Variants in CRACR2A observed in about 807,000 individuals in gnomAD.
CRACR2A encodes the protein EF-hand calcium-binding domain-containing protein 4B.
A neutral mutation model predicts 90.5 loss-of-function variants in CRACR2A; 79 were observed. The observed-to-expected ratio is 0.87, with a 90% CI of 0.73 to 1.05. The LOEUF (loss-of-function observed/expected upper bound fraction) is 1.05. CRACR2A is among the 50% of genes least tolerant of loss of function. The probability of loss-of-function intolerance (pLI) is 0.00; values close to 1 mark genes in which losing one functional copy is unlikely to be tolerated. For synonymous variants in CRACR2A, 338 were observed against 356.7 expected, an observed-to-expected ratio of 0.95 and a Z score of 0.59; for missense variants, 823 against 897.2, an observed-to-expected ratio of 0.92 and a Z score of 1.06.
At chr12:3,660,624 T>C (rs1945011965) in intron 7 of CRACR2A, among the ~76,000 whole-genome samples, 1 of 152,088 alleles carries the variant, frequency 6.6e-6, no homozygotes, top group Admixed American at 6.5e-5. Context: ...AAAGATCTGG[T>C]AGTAGCATTG....
intron 3 of CRACR2A, among the ~76,000 whole-genome samples, chr12:3,702,867 C>A (rs1401654282): frequency 6.6e-6 from 1 of 152,142 alleles, no homozygotes; most frequent in Admixed American, 6.5e-5. Flanking sequence ...GGAAGACAAA[C>A]ACTACCTGAT....
chr12:3,734,499 A>G (rs1365914750), intron 1 of CRACR2A, among the ~76,000 whole-genome samples: 2 of 152,150 alleles, frequency 1.3e-5, no homozygotes, highest in African/African-American at 4.8e-5. Flanking sequence ...CGAAGGAAAC[A>G]CGATCAGTAG....
chr12:3,716,871 T>C (rs547755635), intron 2 of CRACR2A, among the ~76,000 whole-genome samples: 2 of 152,356 alleles, frequency 1.3e-5, no homozygotes, highest in Admixed American at 1.3e-4. Context: ...TCAGATGTTA[T>C]ACCAAGTTAG....
intron 1 of CRACR2A, among the ~76,000 whole-genome samples, chr12:3,739,464 A>G (rs139501538): frequency 2.9e-3 from 449 of 152,332 alleles, no homozygotes; most frequent in African/African-American, 9.6e-3. Flanking sequence ...ATTAATGAAT[A>G]CATTTTAAAA....
At chr12:3,666,356 CGT>C (rs780697994) in intron 7 of CRACR2A, among the ~76,000 whole-genome samples, 35 of 144,800 alleles carry the variant, frequency 2.4e-4, no homozygotes, top group Middle Eastern at 3.6e-3. Context: ...TGTGTGTGTG[CGT>C]GCGTGTGCGC....
intron 17 of CRACR2A, among the ~76,000 whole-genome samples, chr12:3,623,502 C>T (rs534837707): frequency 6.6e-6 from 1 of 152,326 alleles, no homozygotes; most frequent in Non-Finnish European, 1.5e-5. Flanking sequence ...GTTCTAATTT[C>T]TATTTTCTCT....
At chr12:3,731,477 T>C (rs1482783220) in intron 2 of CRACR2A, 2 of 152,248 alleles carry the variant, frequency 1.3e-5, no homozygotes, top group Admixed American at 1.3e-4. Flanking sequence ...ACCTCTCTAG[T>C]GAATGCTGAG....
intron 2 of CRACR2A, among the ~76,000 whole-genome samples, chr12:3,725,053 G>C (rs1156980485): frequency 6.6e-6 from 1 of 152,196 alleles, no homozygotes; most frequent in African/African-American, 2.4e-5. Context: ...CCCCTGGACA[G>C]TCGCTGTCCT....
chr12:3,643,114 T>A (rs1206652513), intron 12 of CRACR2A, among the ~76,000 whole-genome samples: 1 of 152,162 alleles, frequency 6.6e-6, no homozygotes, highest in Non-Finnish European at 1.5e-5. Context: ...TCAGTGTTAC[T>A]TCTAAAACAA....
At position 3,696,872 on chromosome 12, in the gene CRACR2A, T is replaced by C. The variant is rs927721784; in HGVS notation, c.128A>G (p.Glu43Gly). 4 of 1,614,176 alleles carry C rather than the reference T, an allele frequency of 2.5e-6. No homozygotes were observed. Among genetic ancestry groups the C allele is most frequent in the African/African-American group, 2.7e-5 (2 of 75,042 alleles). Residue 43 changes from glutamate (E) to glycine (G), a missense_variant, in exon 4 of 20, where the codon GAG becomes GGG. By Grantham distance (98) the Glu-to-Gly change is moderately conservative. Coordinates refer to ENST00000440314, the MANE Select transcript of CRACR2A (RefSeq NM_001144958.2). Reference protein sequence around the residue: ...LDSLEQKETQEQTSGQLVMLR... With the variant: ...LDSLEQKETQGQTSGQLVMLR... ...CATGACTAGCTGGCCCGACGTTTGC[T>C]CCTGAGTCTCCTTCTGCTCCAGGCT...
intron 4 of CRACR2A, among the ~76,000 whole-genome samples, chr12:3,682,590 A>G (rs562929763): frequency 1.0e-3 from 154 of 152,290 alleles, no homozygotes; most frequent in Non-Finnish European, 2.0e-3. Context: ...CCTTCTCTGC[A>G]ACTGATTCTA....
intron 5 of CRACR2A, among the ~76,000 whole-genome samples, chr12:3,679,826 C>T (rs1373373155): frequency 5.3e-5 from 8 of 152,236 alleles, no homozygotes; most frequent in Non-Finnish European, 2.9e-5. Flanking sequence ...TATCCCTCAA[C>T]CTGGAAAATT....
intron 17 of CRACR2A, 36 bp downstream of exon 17, chr12:3,627,400 C>T: frequency 6.8e-7 from 1 of 1,475,870 alleles, no homozygotes; most frequent in South Asian, 1.2e-5. Flanking sequence ...AAGCCACAGT[C>T]AAGCCTAAAT....
Position 3,713,230 on chromosome 12 carries a change from C to G in CRACR2A, c.-37+7G>C. On this transcript the variant is annotated splice_region_variant and intron_variant, in intron 3 of 19. Coordinates refer to ENST00000440314, the MANE Select transcript of CRACR2A (RefSeq NM_001144958.2). ...TGCAACCTGTCGCCTTTTGTTCGCT[C>G]ACTCACCTTGCAGCTCCCGGCTCCT... 1.0e-6 allele frequency: 1 copy of G among 985,294 alleles called. No individual in the cohort carries two copies. Among genetic ancestry groups the G allele is most frequent in the African/African-American group, 1.7e-5 (1 of 57,292 alleles). The allele number at this position is 985,294 out of a possible 1,614,324, so 61.0% of individuals were successfully genotyped here. A position where few individuals can be genotyped will look rare whatever the true frequency, so the allele number is the denominator to read the frequency against.
At chr12:3,643,699 A>G (rs11610392) in intron 12 of CRACR2A, among the ~76,000 whole-genome samples, 15,235 of 141,966 alleles carry the variant, frequency 0.11, 970 homozygotes, top group Non-Finnish European at 0.14. Context: ...GTGTGTGTGT[A>G]TATATATATA....
rs928127712 is a variant in CRACR2A at position 3,615,554 on chromosome 12, C to A, written c.2112-115G>T. The stretch of plus-strand genomic sequence containing the variant: ...TCATCTGGGCCATATGGAGAGAACC[C>A]ACCCTCACCACGGCATCAGAGAGAG... On this transcript the variant is annotated intron_variant, in intron 19 of 19. Transcript: ENST00000440314. 6.8e-6 allele frequency: 5 copies of A among 739,788 alleles called. No individual in the cohort carries two copies. In the African/African-American group the frequency reaches 7.1e-5, roughly 10 times the overall value. 45.8% of individuals were successfully genotyped at this position (739,788 alleles called of 1,614,324 possible).
At chr12:3,745,810 TAA>T (rs1317681510) in intron 1 of CRACR2A, among the ~76,000 whole-genome samples, 1 of 4,780 alleles carries the variant, frequency 2.1e-4, no homozygotes, top group African/African-American at 4.8e-4. Context: ...TAAAATAAAA[TAA>T]AATAAAATAA....
At chr12:3,617,222 C>A (rs1487708027) in intron 18 of CRACR2A, among the ~76,000 whole-genome samples, 192 bp from the exon 19 acceptor site, 2 of 152,198 alleles carry the variant, frequency 1.3e-5, no homozygotes, top group African/African-American at 2.4e-5. Flanking sequence ...ACAATGCAAG[C>A]TCTGTAACCA....
intron 17 of CRACR2A, among the ~76,000 whole-genome samples, chr12:3,621,266 G>C (rs1371349318): frequency 1.3e-5 from 2 of 152,068 alleles, no homozygotes; most frequent in Non-Finnish European, 2.9e-5. Flanking sequence ...CTTGCAGAGG[G>C]GATGATGGAT....
Sources: gnomAD v4.1 joint callset for allele counts (sites outside exome capture counted in the v4.1 genomes callset) on GRCh38, gnomAD v4.1.1 for gene constraint, MANE v1.5 for transcripts, NCBI Gene and HGNC (gene_info 2026-07-23, HGNC 2026-07-21) for gene names.